GABRA2: variants seen among roughly 807,000 people sequenced by gnomAD.
GABRA2 encodes the protein gamma-aminobutyric acid type A receptor subunit alpha2.
A neutral mutation model predicts 48.7 loss-of-function variants in GABRA2; 16 were observed. The observed-to-expected ratio is 0.33, with a 90% CI of 0.22 to 0.50. The LOEUF is 0.50. GABRA2 is among the 20% of genes least tolerant of loss of function. The pLI is 0.98. For synonymous variants in GABRA2, 185 were observed against 184.5 expected (o/e 1.00, Z -0.02); for missense variants, 275 against 535.6 (o/e 0.51, Z 4.80).
intron 3 of GABRA2, among the ~76,000 whole-genome samples, chr4:46,333,800 C>T (rs1186274077): frequency 6.6e-6 from 1 of 151,986 alleles, no homozygotes; most frequent in Non-Finnish European, 1.5e-5. Flanking sequence ...GAAAGGTAAG[C>T]AAACTTGCCA....
chr4:46,389,472 G>C (rs1384780411), intron 1 of GABRA2: 2 of 880,568 alleles, frequency 2.3e-6, no homozygotes, highest in Non-Finnish European at 2.7e-6. Context: ...TAATCACAGT[G>C]AGCAAAGTTG....
chr4:46,270,741 G>A (rs1007236159), intron 8 of GABRA2, among the ~76,000 whole-genome samples: 6 of 151,694 alleles, frequency 4.0e-5, no homozygotes, highest in African/African-American at 1.5e-4. Flanking sequence ...TTATATCAAG[G>A]TATAGGCCAA....
At position 46,245,639 on chromosome 4, in the gene GABRA2, TATC is replaced by T. The variant is rs1428887947; in HGVS notation, c.*4666_*4668del. The stretch of plus-strand genomic sequence containing the variant: ...CCATTAATAAAACAAATTGTTTAGA[TATC>T]ATAAATTTATCTGAATTTCTCAAAA... On this transcript the variant is annotated 3_prime_UTR_variant, in exon 10 of 10. Transcript: ENST00000381620. Among the ~76,000 whole-genome samples the T allele has an allele frequency of 6.6e-6, 1 of 151,272 alleles. No homozygotes were observed. Among genetic ancestry groups the T allele is most frequent in the Non-Finnish European group, 1.5e-5 (1 of 67,470 alleles).
At chr4:46,381,543 A>G (rs1716759643) in intron 3 of GABRA2, among the ~76,000 whole-genome samples, 1 of 152,176 alleles carries the variant, frequency 6.6e-6, no homozygotes, top group African/African-American at 2.4e-5. Flanking sequence ...CTAACATAAT[A>G]TTCTCCTTGA....
intron 3 of GABRA2, among the ~76,000 whole-genome samples, chr4:46,347,253 G>A (rs1332214263): frequency 6.6e-6 from 1 of 151,762 alleles, no homozygotes; most frequent in Non-Finnish European, 1.5e-5. Flanking sequence ...CTTAAAACTT[G>A]TATAAAATGA....
chr4:46,289,013 T>G (rs1723081783), intron 8 of GABRA2, among the ~76,000 whole-genome samples: 1 of 152,090 alleles, frequency 6.6e-6, no homozygotes, highest in Non-Finnish European at 1.5e-5. Context: ...AGATACCATC[T>G]GATACCAGTC....
intron 3 of GABRA2, among the ~76,000 whole-genome samples, chr4:46,347,018 T>C (rs879867830): frequency 1.3e-5 from 2 of 151,860 alleles, no homozygotes; most frequent in Non-Finnish European, 2.9e-5. Context: ...AGCATAAAAA[T>C]ACTTAGGAGT....
At chr4:46,293,130 A>G (rs1353463119) in intron 8 of GABRA2, among the ~76,000 whole-genome samples, 1 of 152,202 alleles carries the variant, frequency 6.6e-6, no homozygotes, top group East Asian at 1.9e-4. Context: ...TGAAATTTAT[A>G]GAAAGCCTAC....
intron 4 of GABRA2, among the ~76,000 whole-genome samples, chr4:46,329,711 A>G (rs1044113566): frequency 6.6e-6 from 1 of 152,096 alleles, no homozygotes; most frequent in Non-Finnish European, 1.5e-5. Flanking sequence ...TTATTAGTTA[A>G]TAATTCTTTA....
At chr4:46,337,509 T>C (rs1203826993) in intron 3 of GABRA2, among the ~76,000 whole-genome samples, 3 of 151,998 alleles carry the variant, frequency 2.0e-5, no homozygotes, top group Admixed American at 2.0e-4. Context: ...GGAGATTCAC[T>C]GAAAGACTTT....
Position 46,273,237 on chromosome 4 carries a change from T to C in GABRA2, c.857-11109A>G, listed in dbSNP as rs530612891. On this transcript the variant is annotated intron_variant, in intron 8 of 9. Coordinates refer to ENST00000381620, the MANE Select transcript of GABRA2 (RefSeq NM_000807.4). Reference sequence around the variant, plus strand: ...TGATATGACTAGGCGTGATTCTTGTTGTTGTTTTTCATTTTTTAAATTTAT... The same window carrying C: ...TGATATGACTAGGCGTGATTCTTGTCGTTGTTTTTCATTTTTTAAATTTAT... Among the ~76,000 whole-genome samples the C allele has an allele frequency of 2.6e-4, 39 of 151,964 alleles. No individual in the cohort carries two copies. The Middle Eastern group carries it at 0.014, about 53-fold the overall frequency.
chr4:46,259,477 T>C (rs116337344), intron 9 of GABRA2, among the ~76,000 whole-genome samples: 2,933 of 152,010 alleles, frequency 0.019, 40 homozygotes, highest in Middle Eastern at 0.041. Context: ...GAGTGTTTAT[T>C]TATTTATTTG....
intron 3 of GABRA2, among the ~76,000 whole-genome samples, chr4:46,351,580 A>G (rs903645717): frequency 3.9e-5 from 6 of 152,180 alleles, no homozygotes; most frequent in African/African-American, 1.4e-4. Flanking sequence ...GAGAGACAAG[A>G]AATATATTTT....
At chr4:46,343,850 T>C (rs1733699681) in intron 3 of GABRA2, among the ~76,000 whole-genome samples, 1 of 151,976 alleles carries the variant, frequency 6.6e-6, no homozygotes, top group South Asian at 2.1e-4. Flanking sequence ...AGTTCCAGGC[T>C]GTGAATGCAT....
chr4:46,291,776 C>CATATATATATATATATATATATATATAT (rs560142153), intron 8 of GABRA2, among the ~76,000 whole-genome samples: 2 of 144,754 alleles, frequency 1.4e-5, no homozygotes, highest in Non-Finnish European at 3.0e-5. Context: ...TAAACACACA[C>CATATATATATATATATATATATATATAT]ATATATATAT....
chr4:46,264,664 T>C lies in GABRA2; in HGVS notation c.857-2536A>G, dbSNP rs1333522705. 4.6e-5 allele frequency among the ~76,000 whole-genome samples: 7 copies of C among 152,008 alleles called. No homozygotes were observed. The South Asian group carries it at 6.2e-4, about 14-fold the overall frequency. On this transcript the variant is annotated intron_variant, in intron 8 of 9. Coordinates refer to ENST00000381620, the MANE Select transcript of GABRA2 (RefSeq NM_000807.4). ...GGTTTTTTATTGTGATTCCTTTCTC[T>C]AGTTTGGTATTGGTATCTTGGTAAT...
intron 3 of GABRA2, among the ~76,000 whole-genome samples, chr4:46,341,325 AC>A (rs1368455259): frequency 6.6e-6 from 1 of 151,950 alleles, no homozygotes; most frequent in Admixed American, 6.6e-5. Context: ...AAAACTTAAA[AC>A]TTTAAATACT....
intron 6 of GABRA2, among the ~76,000 whole-genome samples, chr4:46,307,650 C>G (rs1232434885): frequency 1.3e-5 from 2 of 151,996 alleles, no homozygotes; most frequent in African/African-American, 4.8e-5. Flanking sequence ...TCAATTCACT[C>G]TTACTAGATT....
intron 3 of GABRA2, among the ~76,000 whole-genome samples, chr4:46,376,078 G>C (rs1440749557): frequency 6.6e-6 from 1 of 152,166 alleles, no homozygotes; most frequent in Non-Finnish European, 1.5e-5. Flanking sequence ...CTCATCTCCA[G>C]GAAGACCAAC....
Sources: gnomAD v4.1 joint callset for allele counts (sites outside exome capture counted in the v4.1 genomes callset) on GRCh38, gnomAD v4.1.1 for gene constraint, MANE v1.5 for transcripts, NCBI Gene and HGNC (gene_info 2026-07-23, HGNC 2026-07-21) for gene names.